The following CSGALNACT1 variants were observed in gnomAD, a reference collection of about 807,000 sequenced individuals.
CSGALNACT1 encodes beta4GalNAcT-1.
Under a neutral mutation model 51.0 loss-of-function variants are expected in CSGALNACT1, and 52 were observed. That is an observed-to-expected ratio of 1.02 (90% confidence interval 0.82 to 1.29). The LOEUF is 1.29. CSGALNACT1 is among the 50% of genes most tolerant of loss of function. The probability of loss-of-function intolerance (pLI) is 0.00; values close to 1 mark genes in which losing one functional copy is unlikely to be tolerated. For missense variants in CSGALNACT1, 935 were observed against 679.2 expected, an observed-to-expected ratio of 1.38 and a Z score of -4.19; for synonymous variants, 341 against 254.4, an observed-to-expected ratio of 1.34 and a Z score of -3.24.
intron 1 of CSGALNACT1, among the ~76,000 whole-genome samples, chr8:19,645,107 T>C (rs1347970974): frequency 6.6e-6 from 1 of 152,220 alleles, no homozygotes; most frequent in South Asian, 2.1e-4. Flanking sequence ...GATTAGACTG[T>C]CAGAGCAAAA....
At chr8:19,645,050 G>A (rs17128780) in intron 1 of CSGALNACT1, among the ~76,000 whole-genome samples, 72 of 152,068 alleles carry the variant, frequency 4.7e-4, no homozygotes, top group Non-Finnish European at 9.6e-4. Context: ...AATCATCAAA[G>A]TTCAATTCAT....
chr8:19,496,963 A>G (rs904817086), intron 4 of CSGALNACT1, among the ~76,000 whole-genome samples: 2 of 152,090 alleles, frequency 1.3e-5, no homozygotes, highest in African/African-American at 4.8e-5. Context: ...GAGGGGCAAA[A>G]CACTCTTCCC....
chr8:19,746,101 C>A (rs182675361), intron 1 of CSGALNACT1, among the ~76,000 whole-genome samples: 28 of 152,238 alleles, frequency 1.8e-4, no homozygotes, highest in Non-Finnish European at 3.5e-4. Flanking sequence ...CTTAAGTTTT[C>A]TATGTTTATT....
intron 1 of CSGALNACT1, among the ~76,000 whole-genome samples, chr8:19,613,018 C>T (rs1265055319): frequency 9.0e-6 from 1 of 111,350 alleles, no homozygotes; most frequent in African/African-American, 3.4e-5. Flanking sequence ...TTAAGAACAA[C>T]TTGTCTCATG....
At chr8:19,471,394 T>C (rs2068136914) in intron 4 of CSGALNACT1, among the ~76,000 whole-genome samples, 1 of 152,146 alleles carries the variant, frequency 6.6e-6, no homozygotes, top group Non-Finnish European at 1.5e-5. Context: ...CTTCTTTTGC[T>C]CTCTTTTCTC....
In CSGALNACT1 at chr8:19,513,436, C is replaced by CTATATA. The variant is rs1554650175; in HGVS notation, c.-296-7312_-296-7307dup. Among the ~76,000 whole-genome samples the CTATATA allele has an allele frequency of 6.7e-3, 548 of 81,932 alleles. 10 individuals carry two copies. The highest frequency in any genetic ancestry group is 0.011 in the Non-Finnish European group (412 of 38,976). The allele number at this position is 81,932 out of a possible 152,430, so 53.8% of individuals were successfully genotyped here. On this transcript the variant is annotated intron_variant, in intron 3 of 9. Coordinates refer to ENST00000454498, the Ensembl canonical transcript of CSGALNACT1. ...TCTCACTCTCTCTCTCTCTCTCTCT[C>CTATATA]TATATATATATATATATATATATAT...
chr8:19,482,011 G>A (rs530018774), intron 4 of CSGALNACT1, among the ~76,000 whole-genome samples: 3 of 152,186 alleles, frequency 2.0e-5, no homozygotes, highest in Non-Finnish European at 4.4e-5. Context: ...CAAACACACC[G>A]ATGCTTTCAC....
At chr8:19,730,739 G>T (rs941324053) in intron 1 of CSGALNACT1, among the ~76,000 whole-genome samples, 5 of 152,120 alleles carry the variant, frequency 3.3e-5, no homozygotes, top group African/African-American at 1.2e-4. Context: ...TCATCCCTCT[G>T]ACTGTGTTCT....
intron 1 of CSGALNACT1, among the ~76,000 whole-genome samples, chr8:19,621,306 TAC>T (rs1388585180): frequency 6.6e-6 from 1 of 152,192 alleles, no homozygotes; most frequent in African/African-American, 2.4e-5. Context: ...TTGAATTTTG[TAC>T]ACAAGTTTAT....
At chr8:19,559,705 T>C (rs1403328325) in intron 3 of CSGALNACT1, among the ~76,000 whole-genome samples, 1 of 152,092 alleles carries the variant, frequency 6.6e-6, no homozygotes, top group Non-Finnish European at 1.5e-5. Flanking sequence ...TCTGAAACTG[T>C]ATCAAAAAGT....
At position 19,657,439 on chromosome 8, in the gene CSGALNACT1, A is replaced by G. The variant is rs543193041; in HGVS notation, c.-544+25034T>C. On this transcript the variant is annotated intron_variant, in intron 1 of 9. Transcript: ENST00000332246. ...TTTCTAGAATTGACAAAAAACATCA[A>G]TCTAAAGTTGCAGAAGATCCAATAA... Among the ~76,000 whole-genome samples, 10 of 152,336 alleles carry G rather than the reference A, an allele frequency of 6.6e-5. No homozygotes were observed. The East Asian group carries it at 1.9e-3, about 29-fold the overall frequency.
chr8:19,441,218 C>G (rs1414298837), intron 5 of CSGALNACT1, among the ~76,000 whole-genome samples: 3 of 152,202 alleles, frequency 2.0e-5, no homozygotes, highest in Non-Finnish European at 2.9e-5. Context: ...GAAAAAACTA[C>G]TCTAAAGTTC....
At chr8:19,740,775 T>G (rs200430689) in intron 1 of CSGALNACT1, among the ~76,000 whole-genome samples, 2 of 151,398 alleles carry the variant, frequency 1.3e-5, no homozygotes, top group East Asian at 1.9e-4. Context: ...GGTGAGGGAG[T>G]GGGAGGTAGG....
intron 1 of CSGALNACT1, among the ~76,000 whole-genome samples, chr8:19,743,416 A>T (rs2064440157): frequency 6.6e-6 from 1 of 152,240 alleles, no homozygotes; most frequent in Non-Finnish European, 1.5e-5. Flanking sequence ...GACCATATTC[A>T]TTATGATGAT....
chr8:19,544,404 A>G (rs7827076), intron 3 of CSGALNACT1, among the ~76,000 whole-genome samples: 1,964 of 152,368 alleles, frequency 0.013, 39 homozygotes, highest in South Asian at 0.058. Context: ...AATACTGAAC[A>G]TACTAAACAT....
chr8:19,489,942 G>C (rs1025651014), intron 4 of CSGALNACT1, among the ~76,000 whole-genome samples: 4 of 152,116 alleles, frequency 2.6e-5, no homozygotes, highest in African/African-American at 4.8e-5. Flanking sequence ...TCTACACCTT[G>C]AATGGTACCA....
At position 19,698,363 on chromosome 8, in the gene CSGALNACT1, C is replaced by T. The variant is rs371159001; in HGVS notation, c.-297+59487G>A. Among the ~76,000 whole-genome samples, 42 of 152,266 alleles carry T rather than the reference C, an allele frequency of 2.8e-4. 2 individuals carry two copies. The highest frequency in any genetic ancestry group is 7.7e-4 in the African/African-American group (32 of 41,550). ...ACATTGAGAATATTAACTATGAATA[C>T]GATGCACACTTGTTCATGCTTTTGC... On this transcript the variant is annotated intron_variant, in intron 1 of 1. Transcript: ENST00000517494.
At chr8:19,502,199 C>T (rs1408989426) in intron 4 of CSGALNACT1, among the ~76,000 whole-genome samples, 1 of 152,152 alleles carries the variant, frequency 6.6e-6, no homozygotes, top group Non-Finnish European at 1.5e-5. Context: ...CTGGGTCACC[C>T]GGCAGGCTGG....
In CSGALNACT1 at chr8:19,428,873, G is replaced by A. The variant is rs867792455; in HGVS notation, c.954-8355C>T. 5.7e-3 allele frequency among the ~76,000 whole-genome samples: 729 copies of A among 127,762 alleles called. 8 individuals are homozygous for A. Among genetic ancestry groups the A allele is most frequent in the African/African-American group, 0.021 (677 of 32,562 alleles). 83.8% of individuals were successfully genotyped at this position (127,762 alleles called of 152,430 possible). A position where few individuals can be genotyped will look rare whatever the true frequency, so the allele number is the denominator to read the frequency against. On this transcript the variant is annotated intron_variant, in intron 6 of 9. Transcript: ENST00000454498. ...TGTGTGTGTGTGTGTGTGTGTGTGT[G>A]TGTATGCATGCTGTGTATTTATATG...
Sources: allele counts gnomAD v4.1 joint callset (sites outside exome capture counted in the v4.1 genomes callset), GRCh38; gene constraint gnomAD v4.1.1; transcripts MANE v1.5; gene names NCBI Gene and HGNC (gene_info 2026-07-23, HGNC 2026-07-21).